The following BAZ1A variants were observed in gnomAD, a reference collection of about 807,000 sequenced individuals.
BAZ1A encodes bromodomain adjacent to zinc finger domain protein 1A.
In BAZ1A, 50 loss-of-function variants were observed where a neutral mutation model predicts 185.2. The ratio of observed to expected loss-of-function variants is 0.27; its 90% confidence interval spans 0.22 to 0.34. BAZ1A has a LOEUF of 0.34. Among genes scored for constraint, BAZ1A ranks in the 10% least tolerant of loss-of-function variants. BAZ1A has a pLI of 1.00. For missense variants in BAZ1A, 1,356 were observed against 1,839.9 expected, an observed-to-expected ratio of 0.74 and a Z score of 4.81; for synonymous variants, 571 against 615.6, an observed-to-expected ratio of 0.93 and a Z score of 1.07.
At chr14:34,797,605 T>C (rs1881267418) in intron 9 of BAZ1A, among the ~76,000 whole-genome samples, 2 of 152,222 alleles carry the variant, frequency 1.3e-5, no homozygotes, top group Admixed American at 1.3e-4. Context: ...ATCAGATTTC[T>C]GGTGATTTTT....
intron 3 of BAZ1A, among the ~76,000 whole-genome samples, chr14:34,852,579 A>G (rs910133261): frequency 2.6e-5 from 4 of 152,180 alleles, no homozygotes; most frequent in Non-Finnish European, 5.9e-5. Context: ...AGATTGCACC[A>G]CTGCACTCCA....
chr14:34,856,837 C>T (rs2042687647), intron 3 of BAZ1A, among the ~76,000 whole-genome samples: 1 of 113,848 alleles, frequency 8.8e-6, no homozygotes, highest in Admixed American at 1.2e-4. Context: ...TAGCCTGGGG[C>T]AGTGAGAACG....
chr14:34,838,519 AT>A (rs1249689965), intron 3 of BAZ1A, among the ~76,000 whole-genome samples: 3 of 140,328 alleles, frequency 2.1e-5, no homozygotes, highest in Non-Finnish European at 4.8e-5. Context: ...GAGGGAAACT[AT>A]TTTTTTCTTT....
chr14:34,787,406 C>T (rs1223624210), intron 12 of BAZ1A, among the ~76,000 whole-genome samples: 1 of 149,540 alleles, frequency 6.7e-6, no homozygotes, highest in African/African-American at 2.5e-5. Context: ...CAGTGGGGGC[C>T]GGGCGCGGTG....
intron 13 of BAZ1A, 50 bp downstream of exon 13, chr14:34,786,076 A>C: frequency 6.4e-7 from 1 of 1,566,202 alleles, no homozygotes; most frequent in Admixed American, 2.1e-5. Flanking sequence ...GTGCCTTTAT[A>C]AAATTAAAAA....
chr14:34,801,303 T>G, intron 7 of BAZ1A, 110 bp from the exon 8 acceptor site: 1 of 786,956 alleles, frequency 1.3e-6, no homozygotes, highest in Non-Finnish European at 2.0e-6. Flanking sequence ...GATTTTTTTA[T>G]TTTTTTGAGA....
chr14:34,808,110 T>G (rs2138671042), intron 5 of BAZ1A, among the ~76,000 whole-genome samples: 1 of 151,448 alleles, frequency 6.6e-6, no homozygotes, highest in African/African-American at 2.4e-5. Context: ...AAAAAGAAAA[T>G]AAACTTTAAG....
chr14:34,848,989 T>C (rs1362671701), intron 3 of BAZ1A, among the ~76,000 whole-genome samples: 3 of 152,144 alleles, frequency 2.0e-5, no homozygotes, highest in Non-Finnish European at 4.4e-5. Context: ...AACCAGTTCA[T>C]GTAAAACCGA....
chr14:34,786,186 TG>T lies in BAZ1A; in HGVS notation c.1545del (p.Thr516GlnfsTer24). 1 of 1,613,876 alleles carries T rather than the reference TG, an allele frequency of 6.2e-7. No individual in the cohort carries two copies. Among genetic ancestry groups the T allele is most frequent in the Non-Finnish European group, 8.5e-7 (1 of 1,179,950 alleles). On this transcript the variant is annotated frameshift_variant, in exon 13 of 27. Coordinates refer to ENST00000360310, the MANE Select transcript of BAZ1A (RefSeq NM_013448.3). LOFTEE classifies it high-confidence loss of function. ...GCAACTGCAGACAGTGCAGATTTTG[TG>T]GGGTCTGCATCTTCATCCAAAGCCT... is the stretch of plus-strand genomic sequence containing the variant. ...LTEALDEDAD[P>X]TKSALSAVAS...
intron 6 of BAZ1A, among the ~76,000 whole-genome samples, chr14:34,803,539 A>G (rs992333705): frequency 3.3e-5 from 5 of 152,174 alleles, no homozygotes; most frequent in African/African-American, 1.2e-4. Flanking sequence ...ACAATAAAAT[A>G]CCTCAAGAAT....
At chr14:34,824,402 G>A (rs915093830) in intron 4 of BAZ1A, among the ~76,000 whole-genome samples, 255 of 19,446 alleles carry the variant, frequency 0.013, no homozygotes, top group Admixed American at 0.018. Flanking sequence ...AAAAAAAGCA[G>A]CAACTCAAAA....
chr14:34,783,108 T>G lies in BAZ1A; in HGVS notation c.2111+11A>C. Reference sequence around the variant, plus strand: ...TGGTAAAGCAGATGAACAGTGTGATTCAAACCATACCCAATAGATATATCT... The same window carrying G: ...TGGTAAAGCAGATGAACAGTGTGATGCAAACCATACCCAATAGATATATCT... On this transcript the variant is annotated intron_variant, in intron 16 of 26. Transcript: ENST00000360310. 6.4e-7 allele frequency: 1 copy of G among 1,562,380 alleles called. No individual in the cohort carries two copies. The highest frequency in any genetic ancestry group is 8.8e-7 in the Non-Finnish European group (1 of 1,135,364).
In BAZ1A at chr14:34,793,060, A is replaced by G. The variant is rs1168802202; in HGVS notation, c.1364-139T>C. 6.6e-6 allele frequency: 5 copies of G among 762,374 alleles called. No homozygotes were observed. The African/African-American group carries it at 9.0e-5, about 14-fold the overall frequency. 47.2% of individuals were successfully genotyped at this position (762,374 alleles called of 1,614,324 possible). ...TCAATTTATGAAAGTATAACCAAGTATTATCCAAGCCAAAATAAGAATTTA... is the reference window on the plus strand; with the variant it reads ...TCAATTTATGAAAGTATAACCAAGTGTTATCCAAGCCAAAATAAGAATTTA... On this transcript the variant is annotated intron_variant, in intron 11 of 26. Transcript: ENST00000360310.
intron 5 of BAZ1A, among the ~76,000 whole-genome samples, chr14:34,809,322 C>T (rs960156494): frequency 2.0e-5 from 3 of 152,188 alleles, no homozygotes; most frequent in African/African-American, 7.2e-5. Context: ...ACTGAAGAAA[C>T]TAGTCCTGAA....
chr14:34,762,867 TAGTC>T (rs1269281431), intron 23 of BAZ1A, among the ~76,000 whole-genome samples: 2 of 152,222 alleles, frequency 1.3e-5, no homozygotes, highest in African/African-American at 2.4e-5. Context: ...CAAATAGACT[TAGTC>T]AATCATGTTG....
At chr14:34,803,468 A>C (rs183213671) in intron 6 of BAZ1A, among the ~76,000 whole-genome samples, 1 of 152,088 alleles carries the variant, frequency 6.6e-6, no homozygotes, top group Non-Finnish European at 1.5e-5. Flanking sequence ...GGTTTAACCA[A>C]TCCTTTTTCC....
intron 3 of BAZ1A, among the ~76,000 whole-genome samples, chr14:34,849,555 A>G (rs969697483): frequency 1.3e-5 from 2 of 152,198 alleles, no homozygotes; most frequent in African/African-American, 2.4e-5. Flanking sequence ...ATTTTAAAAA[A>G]TTTATAAACT....
At chr14:34,822,793 G>A (rs2042107245) in intron 4 of BAZ1A, among the ~76,000 whole-genome samples, 1 of 152,094 alleles carries the variant, frequency 6.6e-6, no homozygotes, top group South Asian at 2.1e-4. Flanking sequence ...TCCTATAAAT[G>A]TCACAAGTAG....
At chr14:34,843,022 C>T (rs1219927671) in intron 3 of BAZ1A, among the ~76,000 whole-genome samples, 1 of 151,742 alleles carries the variant, frequency 6.6e-6, no homozygotes, top group Non-Finnish European at 1.5e-5. Context: ...ACATGGTCAG[C>T]TCTCAAAAGT....
Sources: allele counts gnomAD v4.1 joint callset (sites outside exome capture counted in the v4.1 genomes callset), GRCh38; gene constraint gnomAD v4.1.1; transcripts MANE v1.5; gene names NCBI Gene and HGNC (gene_info 2026-07-23, HGNC 2026-07-21).